Variants in INTS4 observed in about 807,000 individuals in gnomAD.
The protein encoded by INTS4 is MSTP093.
INTS4 carries 70 observed loss-of-function variants against 119.5 expected under a neutral mutation model. That is an observed-to-expected ratio of 0.59 (90% CI 0.48 to 0.71). The LOEUF (loss-of-function observed/expected upper bound fraction) is 0.71. Ranked by LOEUF, INTS4 falls within the 30% of genes least tolerant of loss-of-function variation. The pLI is 0.00. For missense variants in INTS4, 867 were observed against 1,173.2 expected (o/e 0.74, Z 3.81); for synonymous variants, 316 against 419.6 (o/e 0.75, Z 3.02).
downstream of INTS4, chr11:77,877,074 C>A (rs775027406): frequency 3.1e-5 from 22 of 702,226 alleles, no homozygotes; most frequent in South Asian, 3.3e-4. Flanking sequence ...AAAGTCAGCT[C>A]CCTGGAGTTA....
intron 6 of INTS4, among the ~76,000 whole-genome samples, chr11:77,959,394 A>G (rs1954409053): frequency 6.6e-6 from 1 of 152,110 alleles, no homozygotes; most frequent in South Asian, 2.1e-4. Context: ...CAACACACGC[A>G]AACCTGAACT....
chr11:77,946,492 T>G (rs1420556944), intron 8 of INTS4, among the ~76,000 whole-genome samples: 1 of 152,184 alleles, frequency 6.6e-6, no homozygotes, highest in African/African-American at 2.4e-5. Flanking sequence ...CTGGGGGCAG[T>G]GGCTCACATC....
chr11:77,943,590 T>C (rs924107274), intron 8 of INTS4, among the ~76,000 whole-genome samples: 1 of 152,166 alleles, frequency 6.6e-6, no homozygotes, highest in African/African-American at 2.4e-5. Context: ...ACCTCACCAA[T>C]GAGAGAAAAA....
At chr11:77,919,059 T>A in intron 14 of INTS4, 81 bp from the exon 15 acceptor site, 3 of 1,452,002 alleles carry the variant, frequency 2.1e-6, no homozygotes, top group Non-Finnish European at 2.9e-6. Context: ...TAAAAGCACA[T>A]TAAAAACGTG....
At chr11:77,956,773 A>G (rs1253480446) in intron 7 of INTS4, among the ~76,000 whole-genome samples, 1 of 148,458 alleles carries the variant, frequency 6.7e-6, no homozygotes, top group Non-Finnish European at 1.5e-5. Context: ...AAATAAATAC[A>G]TAAGTAAGTA....
intron 4 of INTS4, among the ~76,000 whole-genome samples, chr11:77,962,142 A>G (rs929790653): frequency 2.0e-5 from 3 of 152,190 alleles, no homozygotes; most frequent in African/African-American, 7.2e-5. Flanking sequence ...GACTATAGGC[A>G]TGTGGTGGCA....
chr11:77,927,992 G>A (rs1406238539), intron 11 of INTS4, among the ~76,000 whole-genome samples: 4 of 152,038 alleles, frequency 2.6e-5, no homozygotes, highest in African/African-American at 9.7e-5. Context: ...GTGACAGAGT[G>A]AGACCCTGTC....
chr11:77,976,794 G>T (rs948391315), intron 4 of INTS4, among the ~76,000 whole-genome samples: 4 of 152,170 alleles, frequency 2.6e-5, no homozygotes, highest in Non-Finnish European at 5.9e-5. Context: ...GATGAAGCTG[G>T]AAACCATCAT....
chr11:77,946,366 T>C (rs1591090599), intron 8 of INTS4, among the ~76,000 whole-genome samples: 1 of 152,136 alleles, frequency 6.6e-6, no homozygotes, highest in South Asian at 2.1e-4. Flanking sequence ...CTCAATAAAA[T>C]TGAAAAGAGC....
intron 15 of INTS4, among the ~76,000 whole-genome samples, chr11:77,913,784 T>C (rs1565240520): frequency 6.6e-6 from 1 of 152,202 alleles, no homozygotes. Context: ...TAAATGGCTG[T>C]TTGGATTACA....
At chr11:77,988,573 G>A (rs1008908640) in intron 2 of INTS4, among the ~76,000 whole-genome samples, 2 of 152,210 alleles carry the variant, frequency 1.3e-5, no homozygotes, top group Admixed American at 6.5e-5. Flanking sequence ...GGACTAGGAA[G>A]TGCGGGGTGG....
Position 77,988,889 on chromosome 11 carries a change from G to A in INTS4, c.246+2219C>T, listed in dbSNP as rs185904633. On this transcript the variant is annotated intron_variant, in intron 2 of 22. Coordinates refer to ENST00000534064, the MANE Select transcript of INTS4 (RefSeq NM_033547.4). ...AATCAATGTCACCAAAATAGTAACT[G>A]TTGTAGATTTTTGAAAAGACTGAAT... is the stretch of plus-strand genomic sequence containing the variant. 1.4e-4 allele frequency among the ~76,000 whole-genome samples: 22 copies of A among 152,292 alleles called. No homozygotes were observed. The East Asian group carries it at 4.2e-3, about 29-fold the overall frequency.
intron 15 of INTS4, among the ~76,000 whole-genome samples, chr11:77,916,167 A>C (rs1953200224): frequency 1.3e-5 from 2 of 152,228 alleles, no homozygotes; most frequent in Non-Finnish European, 2.9e-5. Context: ...ATGAACCCTG[A>C]GCAATAAACT....
chr11:77,949,710 G>A (rs1187173263), intron 8 of INTS4, among the ~76,000 whole-genome samples: 1 of 152,152 alleles, frequency 6.6e-6, no homozygotes, highest in East Asian at 1.9e-4. Flanking sequence ...TAAAAAGTCA[G>A]AAAACAACAG....
intron 2 of INTS4, 77 bp downstream of exon 2, chr11:77,991,031 T>C: frequency 8.0e-7 from 1 of 1,252,836 alleles, no homozygotes; most frequent in Non-Finnish European, 1.1e-6. Flanking sequence ...ACCCTATTTA[T>C]TTGTAATATT....
chr11:77,959,133 C>T lies in INTS4; in HGVS notation c.709-299G>A, dbSNP rs554358950. Among the ~76,000 whole-genome samples the T allele has an allele frequency of 3.5e-4, 54 of 152,328 alleles. No individual in the cohort carries two copies. The South Asian group carries it at 0.011, about 32-fold the overall frequency. On this transcript the variant is annotated intron_variant, in intron 6 of 22. Transcript: ENST00000534064. ...TGCTGGGAGCAAACAGTACTGTTCT[C>T]ACAGGTTCAAACACCAATTATGGCT...
chr11:77,924,579 C>T (rs977998201), intron 12 of INTS4, 171 bp downstream of exon 12: 1 of 575,036 alleles, frequency 1.7e-6, no homozygotes, highest in African/African-American at 1.9e-5. Context: ...ATGTGATACT[C>T]AGCTTAGGAA....
chr11:77,961,411 C>A (rs1008781501), intron 4 of INTS4, among the ~76,000 whole-genome samples: 6 of 152,068 alleles, frequency 3.9e-5, no homozygotes, highest in South Asian at 4.1e-4. Flanking sequence ...TTGCCTTGTA[C>A]AGAGTAGGTA....
At chr11:77,912,584 G>A (rs552539431) in intron 15 of INTS4, among the ~76,000 whole-genome samples, 1 of 152,164 alleles carries the variant, frequency 6.6e-6, no homozygotes, top group South Asian at 2.1e-4. Context: ...AAAGATTCTG[G>A]ATGTGCAAAT....
Sources: gnomAD v4.1 joint callset for allele counts (sites outside exome capture counted in the v4.1 genomes callset) on GRCh38, gnomAD v4.1.1 for gene constraint, MANE v1.5 for transcripts, NCBI Gene and HGNC (gene_info 2026-07-23, HGNC 2026-07-21) for gene names.